Variants in C4B observed in about 807,000 individuals in gnomAD.
C4B encodes complement C4-B.
In C4B, 6 loss-of-function variants were observed where a neutral mutation model predicts 46.2. The ratio of observed to expected loss-of-function variants is 0.13; its 90% CI spans 0.07 to 0.26. C4B has a LOEUF of 0.26. C4B is among the 10% of genes least tolerant of loss of function. The probability of loss-of-function intolerance (pLI) is 1.00; values close to 1 mark genes in which losing one functional copy is unlikely to be tolerated. For synonymous variants in C4B, 61 were observed against 240.1 expected (o/e 0.25, Z 6.90); for missense variants, 119 against 560.9 (o/e 0.21, Z 7.96).
Position 32,028,706 on chromosome 6 carries a change from G to A in C4B, c.3244G>A (p.Val1082Met), listed in dbSNP as rs1467874362. Residue 1082 changes from valine (V) to methionine (M), a missense_variant, in exon 26 of 41, where the codon GTG becomes ATG. Coordinates refer to ENST00000435363, the MANE Select transcript of C4B (RefSeq NM_001002029.4). ...RGSSTWLTAFVLKVLSLAQEQ... is the reference protein window; with the variant it reads ...RGSSTWLTAFMLKVLSLAQEQ... ...CCTGCCCTCCAGGCTCACAGCCTTT[G>A]TGTTGAAGGTCCTGAGTTTGGCCCA... 1 of 1,548,226 alleles carries A rather than the reference G, an allele frequency of 6.5e-7. No homozygotes were observed. The highest frequency in any genetic ancestry group is 8.8e-7 in the Non-Finnish European group (1 of 1,137,372).
Position 32,028,741 on chromosome 6 carries a change from A to G in C4B, c.3279A>G (p.Val1093=), listed in dbSNP as rs1775719522. 6.4e-7 allele frequency: 1 copy of G among 1,553,484 alleles called. No individual in the cohort carries two copies. The highest frequency in any genetic ancestry group is 1.4e-5 in the African/African-American group (1 of 69,024). The change falls in exon 26 of 41, where the codon GTA becomes GTG. Residue 1093 remains valine (V), a synonymous_variant. Coordinates refer to ENST00000435363, the MANE Select transcript of C4B (RefSeq NM_001002029.4). ...TCCTGAGTTTGGCCCAGGAGCAGGT[A>G]GGAGGCTCGCCTGAGAAACTGCAGG... ...LKVLSLAQEQ[V]GGSPEKLQET...
In C4B at chr6:32,029,035, G is replaced by T; in HGVS notation, c.3478G>T (p.Gly1160Cys). The T allele has an allele frequency of 3.2e-6, 5 of 1,547,254 alleles. 1 individual carries two copies. Among genetic ancestry groups the T allele is most frequent in the East Asian group, 4.5e-5 (2 of 43,992 alleles). The change falls in exon 27 of 41, where the codon GGT becomes TGT. Residue 1160 changes from glycine (G) to cysteine (C), a missense_variant. Gly to Cys is a radical substitution (Grantham distance 159). Coordinates refer to ENST00000435363, the MANE Select transcript of C4B (RefSeq NM_001002029.4). ...TGGGCTGGCCGTCTTCCAGGATGAG[G>T]GTGCAGAGCCATTGAAGCAGAGAGT... Reference protein sequence around the residue: ...HHGLAVFQDEGAEPLKQRVEA... With the variant: ...HHGLAVFQDECAEPLKQRVEA...
Position 32,028,508 on chromosome 6 carries a change from G to A in C4B, c.3206G>A (p.Trp1069Ter), listed in dbSNP as rs199623227. Residue 1069 changes from tryptophan to a stop codon, truncating the protein, a stop_gained, in exon 25 of 41, where the codon TGG (tryptophan) becomes TAG (stop). Transcript: ENST00000435363. LOFTEE classifies it high-confidence loss of function. ...AAGGCGGATGGTTCCTATGCGGCTTGGTTGTCACGGGGCAGCAGCACCTGG... is the reference window on the plus strand; with the variant it reads ...AAGGCGGATGGTTCCTATGCGGCTTAGTTGTCACGGGGCAGCAGCACCTGG... ...FRKADGSYAAWLSRGSSTWLT... is the reference protein window; with the variant it reads ...FRKADGSYAA 79 of 1,537,336 alleles carry A rather than the reference G, an allele frequency of 5.1e-5. 8 individuals carry two copies. The highest frequency in any genetic ancestry group is 1.2e-4 in the Admixed American group (7 of 57,768).
In C4B at chr6:32,029,293, GGTGTTGC is replaced by G. The variant is rs1775761162; in HGVS notation, c.3632_3638del (p.Gly1211AlafsTer94). 1 of 1,566,804 alleles carries G rather than the reference GGTGTTGC, an allele frequency of 6.4e-7. No individual in the cohort carries two copies. Among genetic ancestry groups the G allele is most frequent in the Non-Finnish European group, 8.7e-7 (1 of 1,146,194 alleles). ...GACCAAGGCCCCTGCGGACCTGCGG[GGTGTTGC>G]CCACAACAACCTCATGGCAATGGCC... On this transcript the variant is annotated frameshift_variant, in exon 28 of 41. Coordinates refer to ENST00000435363, the MANE Select transcript of C4B (RefSeq NM_001002029.4). LOFTEE classifies it high-confidence loss of function.
At position 32,029,285 on chromosome 6, in the gene C4B, A is replaced by C; in HGVS notation, c.3623A>C (p.Asp1208Ala). 6.4e-7 allele frequency: 1 copy of C among 1,566,966 alleles called. No homozygotes were observed. Among genetic ancestry groups the C allele is most frequent in the Non-Finnish European group, 8.7e-7 (1 of 1,146,186 alleles). ...YALTLTKAPA[D>A]LRGVAHNNLM... ...CTGACACTGACCAAGGCCCCTGCGGACCTGCGGGGTGTTGCCCACAACAAC... is the reference window on the plus strand; with the variant it reads ...CTGACACTGACCAAGGCCCCTGCGGCCCTGCGGGGTGTTGCCCACAACAAC... The change falls in exon 28 of 41, where the codon GAC becomes GCC. Residue 1208 changes from aspartate to alanine, a missense_variant. Transcript: ENST00000435363.
At position 32,028,743 on chromosome 6, in the gene C4B, G is replaced by A; in HGVS notation, c.3281G>A (p.Gly1094Glu). ...CTGAGTTTGGCCCAGGAGCAGGTAGGAGGCTCGCCTGAGAAACTGCAGGAG... is the reference window on the plus strand; with the variant it reads ...CTGAGTTTGGCCCAGGAGCAGGTAGAAGGCTCGCCTGAGAAACTGCAGGAG... The part of the protein sequence containing the change: ...KVLSLAQEQV[G>E]GSPEKLQETS... Residue 1094 changes from glycine to glutamate, a missense_variant, in exon 26 of 41, where the codon GGA becomes GAA. Transcript: ENST00000435363. 1.9e-6 allele frequency: 3 copies of A among 1,554,222 alleles called. No individual in the cohort carries two copies. Among genetic ancestry groups the A allele is most frequent in the Non-Finnish European group, 2.6e-6 (3 of 1,140,754 alleles).
chr6:32,027,117 C>T lies in C4B; in HGVS notation c.2587C>T (p.Leu863=). 34 of 1,550,730 alleles carry T rather than the reference C, an allele frequency of 2.2e-5. 10 individuals are homozygous for T. The highest frequency in any genetic ancestry group is 3.0e-5 in the Non-Finnish European group (34 of 1,131,154). Residue 863 remains leucine, a synonymous_variant, in exon 20 of 41, where the codon CTG becomes TTG. Coordinates refer to ENST00000435363, the MANE Select transcript of C4B (RefSeq NM_001002029.4). ...PVLYNYLDKN[L]TVSVHVSPVE... is the part of the protein sequence containing the mutation. ...CCTCTATAACTACCTGGATAAAAAC[C>T]TGACTGTGAGGCCCCATGGGAGCCT...
Position 32,029,195 on chromosome 6 carries a change from T to C in C4B, c.3533T>C (p.Phe1178Ser). Residue 1178 changes from phenylalanine to serine, a missense_variant, in exon 28 of 41, where the codon TTT becomes TCT. Coordinates refer to ENST00000435363, the MANE Select transcript of C4B (RefSeq NM_001002029.4). The part of the protein sequence containing the change: ...VEASISKASS[F>S]LGEKASAGLL... ...GCCTCCATCTCAAAGGCAAGCTCATTTTTGGGGGAGAAAGCAAGTGCTGGG... is the reference window on the plus strand; with the variant it reads ...GCCTCCATCTCAAAGGCAAGCTCATCTTTGGGGGAGAAAGCAAGTGCTGGG... 1 of 1,591,462 alleles carries C rather than the reference T, an allele frequency of 6.3e-7. No individual in the cohort carries two copies. The highest frequency in any genetic ancestry group is 8.6e-7 in the Non-Finnish European group (1 of 1,163,118).
Position 32,029,292 on chromosome 6 carries a change from G to GACCT in C4B, c.3630_3631insACCT (p.Gly1211ThrfsTer18), listed in dbSNP as rs1775760467. On this transcript the variant is annotated frameshift_variant, in exon 28 of 41. Coordinates refer to ENST00000435363, the MANE Select transcript of C4B (RefSeq NM_001002029.4). LOFTEE classifies it high-confidence loss of function. ...TGACCAAGGCCCCTGCGGACCTGCG[G>GACCT]GGTGTTGCCCACAACAACCTCATGG... 1 of 1,566,232 alleles carries GACCT rather than the reference G, an allele frequency of 6.4e-7. No homozygotes were observed. Among genetic ancestry groups the GACCT allele is most frequent in the Non-Finnish European group, 8.7e-7 (1 of 1,145,818 alleles).
chr6:32,028,396 G>A, intron 24 of C4B, 61 bp from the exon 25 acceptor site: 1 of 1,350,800 alleles, frequency 7.4e-7, no homozygotes, highest in South Asian at 1.2e-5. Flanking sequence ...GGGGAGCATG[G>A]CCTTGGGCTC....
At position 32,028,822 on chromosome 6, in the gene C4B, C is replaced by T. The variant is rs1473080061; in HGVS notation, c.3360C>T (p.Leu1120=). The change falls in exon 26 of 41, where the codon CTC becomes CTT. Residue 1120 remains leucine, a synonymous_variant. Coordinates refer to ENST00000435363, the MANE Select transcript of C4B (RefSeq NM_001002029.4). ...AGGCTGACGGCTCGTTCCAGGACCT[C>T]TCTCCAGTGATACATAGGAGCATGC... ...QQQADGSFQD[L]SPVIHRSMQG... is the part of the protein sequence containing the mutation. 3.2e-6 allele frequency: 5 copies of T among 1,562,292 alleles called. No individual in the cohort carries two copies. Among genetic ancestry groups the T allele is most frequent in the African/African-American group, 1.4e-5 (1 of 71,450 alleles).
Position 32,028,729 on chromosome 6 carries a change from C to T in C4B, c.3267C>T (p.Ala1089=). The change falls in exon 26 of 41, where the codon GCC becomes GCT. Residue 1089 remains alanine, a synonymous_variant. Transcript: ENST00000435363. The part of the protein sequence containing the change: ...TAFVLKVLSL[A]QEQVGGSPEK... ...TTGTGTTGAAGGTCCTGAGTTTGGCCCAGGAGCAGGTAGGAGGCTCGCCTG... is the reference window on the plus strand; with the variant it reads ...TTGTGTTGAAGGTCCTGAGTTTGGCTCAGGAGCAGGTAGGAGGCTCGCCTG... The T allele has an allele frequency of 1.3e-6, 2 of 1,552,066 alleles. No homozygotes were observed. Among genetic ancestry groups the T allele is most frequent in the Non-Finnish European group, 8.8e-7 (1 of 1,139,478 alleles).
At position 32,029,171 on chromosome 6, in the gene C4B, C is replaced by G. The variant is rs1191534392; in HGVS notation, c.3509C>G (p.Ala1170Gly). The G allele has an allele frequency of 1.9e-6, 3 of 1,590,706 alleles. No homozygotes were observed. The highest frequency in any genetic ancestry group is 2.2e-5 in the East Asian group (1 of 44,628). The change falls in exon 28 of 41, where the codon GCC becomes GGC. Residue 1170 changes from alanine to glycine, a missense_variant. Coordinates refer to ENST00000435363, the MANE Select transcript of C4B (RefSeq NM_001002029.4). ...GAEPLKQRVE[A>G]SISKASSFLG... is the part of the protein sequence containing the mutation. ...CCTCCTCCCGTTTTCTTCCAGGAAG[C>G]CTCCATCTCAAAGGCAAGCTCATTT...
In C4B at chr6:32,029,290, C is replaced by G. The variant is rs747039149; in HGVS notation, c.3628C>G (p.Arg1210Gly). Residue 1210 changes from arginine (R) to glycine (G), a missense_variant, in exon 28 of 41, where the codon CGG (arginine) becomes GGG (glycine). Physicochemically the swap from Arg to Gly is moderately radical, Grantham distance 125. Transcript: ENST00000435363. ...LTLTKAPADLRGVAHNNLMAM... is the reference protein window; with the variant it reads ...LTLTKAPADLGGVAHNNLMAM... ...ACTGACCAAGGCCCCTGCGGACCTG[C>G]GGGGTGTTGCCCACAACAACCTCAT... 2 of 1,566,878 alleles carry G rather than the reference C, an allele frequency of 1.3e-6. No homozygotes were observed. The highest frequency in any genetic ancestry group is 2.3e-5 in the East Asian group (1 of 43,934).
In C4B at chr6:32,029,199, G is replaced by C. The variant is rs769785617; in HGVS notation, c.3537G>C (p.Leu1179Phe). 9.4e-6 allele frequency: 15 copies of C among 1,591,688 alleles called. 1 individual carries two copies. The highest frequency in any genetic ancestry group is 1.0e-5 in the Non-Finnish European group (12 of 1,163,300). The change falls in exon 28 of 41, where the codon TTG becomes TTC. Residue 1179 changes from leucine (L) to phenylalanine (F), a missense_variant. Transcript: ENST00000435363. ...CCATCTCAAAGGCAAGCTCATTTTT[G>C]GGGGAGAAAGCAAGTGCTGGGCTCC... ...EASISKASSF[L>F]GEKASAGLLG...
At position 32,028,831 on chromosome 6, in the gene C4B, G is replaced by A. The variant is rs371168662; in HGVS notation, c.3369G>A (p.Val1123=). The A allele has an allele frequency of 9.3e-5, 145 of 1,562,454 alleles. 24 individuals are homozygous for A. The Middle Eastern group carries it at 1.2e-3, about 13-fold the overall frequency. ...ADGSFQDLSP[V]IHRSMQGGLV... is the part of the protein sequence containing the mutation. ...GCTCGTTCCAGGACCTCTCTCCAGT[G>A]ATACATAGGAGCATGCAGGTGCGGG... The change falls in exon 26 of 41, where the codon GTG becomes GTA. Residue 1123 remains valine, a synonymous_variant. Transcript: ENST00000435363.
rs2229403 is a variant in C4B at position 32,029,282 on chromosome 6, C to T, written c.3620C>T (p.Ala1207Val). 4.9e-5 allele frequency: 77 copies of T among 1,566,950 alleles called. 12 individuals carry two copies. The highest frequency in any genetic ancestry group is 2.5e-4 in the Admixed American group (15 of 59,136). The change falls in exon 28 of 41, where the codon GCG becomes GTG. Residue 1207 changes from alanine (A) to valine (V), a missense_variant. By Grantham distance (64) the Ala-to-Val change is moderately conservative. Transcript: ENST00000435363. ...GCCCTGACACTGACCAAGGCCCCTGCGGACCTGCGGGGTGTTGCCCACAAC... is the reference window on the plus strand; with the variant it reads ...GCCCTGACACTGACCAAGGCCCCTGTGGACCTGCGGGGTGTTGCCCACAAC... ...AYALTLTKAPADLRGVAHNNL... is the reference protein window; with the variant it reads ...AYALTLTKAPVDLRGVAHNNL...
rs755189434 is a variant in C4B at position 32,029,168 on chromosome 6, A to G, written c.3506A>G (p.Glu1169Gly). 1 of 1,590,412 alleles carries G rather than the reference A, an allele frequency of 6.3e-7. No homozygotes were observed. The highest frequency in any genetic ancestry group is 8.6e-7 in the Non-Finnish European group (1 of 1,162,886). Reference sequence around the variant, plus strand: ...GACCCTCCTCCCGTTTTCTTCCAGGAAGCCTCCATCTCAAAGGCAAGCTCA... The same window carrying G: ...GACCCTCCTCCCGTTTTCTTCCAGGGAGCCTCCATCTCAAAGGCAAGCTCA... Reference protein sequence around the residue: ...EGAEPLKQRVEASISKASSFL... With the variant: ...EGAEPLKQRVGASISKASSFL... Residue 1169 changes from glutamate (E) to glycine (G), a missense_variant and splice_region_variant, in exon 28 of 41, where the codon GAA becomes GGA. Glu to Gly is a moderately conservative substitution (Grantham distance 98). Transcript: ENST00000435363.
chr6:32,028,809 C>T lies in C4B; in HGVS notation c.3347C>T (p.Ser1116Leu), dbSNP rs767540386. 1.6e-5 allele frequency: 25 copies of T among 1,561,834 alleles called. 3 individuals are homozygous for T. Among genetic ancestry groups the T allele is most frequent in the Admixed American group, 5.1e-5 (3 of 58,772 alleles). Residue 1116 changes from serine (S) to leucine (L), a missense_variant, in exon 26 of 41, where the codon TCG becomes TTG. By Grantham distance (145) the Ser-to-Leu change is moderately radical. Transcript: ENST00000435363. The stretch of plus-strand genomic sequence containing the variant: ...CTGTCCCAGCAGCAGGCTGACGGCT[C>T]GTTCCAGGACCTCTCTCCAGTGATA... ...WLLSQQQADGSFQDLSPVIHR... is the reference protein window; with the variant it reads ...WLLSQQQADGLFQDLSPVIHR...
Sources: gnomAD v4.1 joint callset for allele counts on GRCh38, gnomAD v4.1.1 for gene constraint, MANE v1.5 for transcripts, NCBI Gene and HGNC (gene_info 2026-07-23, HGNC 2026-07-21) for gene names.